YTHDF1: variants seen among roughly 807,000 people sequenced by gnomAD.
YTHDF1 encodes YTH domain-containing family protein 1.
A neutral mutation model predicts 49.1 loss-of-function variants in YTHDF1; 16 were observed. That is an observed-to-expected ratio of 0.33 (90% CI 0.22 to 0.49). The LOEUF (loss-of-function observed/expected upper bound fraction) is 0.49. YTHDF1 is among the 20% of genes least tolerant of loss of function. The pLI is 0.99. For synonymous variants in YTHDF1, 313 were observed against 290.1 expected, an observed-to-expected ratio of 1.08 and a Z score of -0.80; for missense variants, 621 against 744.3, an observed-to-expected ratio of 0.83 and a Z score of 1.93.
chr20:63,215,437 C>T, intron 2 of YTHDF1, 140 bp downstream of exon 2: 1 of 1,127,032 alleles, frequency 8.9e-7, no homozygotes, highest in South Asian at 1.3e-5. Context: ...CTCCCAGAAT[C>T]GTCGCACAAC....
intron 3 of YTHDF1, among the ~76,000 whole-genome samples, chr20:63,205,255 T>C (rs2122981449): frequency 6.6e-6 from 1 of 152,156 alleles, no homozygotes; most frequent in East Asian, 1.9e-4. Context: ...GGAAAGTAGC[T>C]GAGGCAATGA....
intron 4 of YTHDF1, among the ~76,000 whole-genome samples, chr20:63,197,314 G>A (rs988224389): frequency 2.0e-5 from 3 of 152,054 alleles, no homozygotes; most frequent in East Asian, 1.9e-4. Flanking sequence ...TCACTCCCAC[G>A]CCAAGGGGAA....
At chr20:63,212,494 A>C (rs1400701959) in intron 3 of YTHDF1, among the ~76,000 whole-genome samples, 1 of 152,246 alleles carries the variant, frequency 6.6e-6, no homozygotes, top group Non-Finnish European at 1.5e-5. Flanking sequence ...TGTGAATCAC[A>C]GCACACGAAA....
rs79046601 is a variant in YTHDF1, at chr20:63,203,184, G to A, written c.756C>T (p.Ser252=). 4,985 of 1,613,854 alleles carry A rather than the reference G, an allele frequency of 3.1e-3. 142 individuals are homozygous for A. The African/African-American group carries it at 0.058, about 19-fold the overall frequency. ...AKPQPKMKTK[S]GPVMGGGLPP... ...GCAGCCCACCCCCCATGACAGGCCC[G>A]CTCTTTGTTTTCATTTTAGGCTGTG... The change falls in exon 4 of 5, where the codon AGC becomes AGT. Residue 252 remains serine, a synonymous_variant. Coordinates refer to ENST00000370339, the MANE Select transcript of YTHDF1 (RefSeq NM_017798.4). This position sits in a 1 kb window ranked among gnomAD's most constrained non-coding sequence, Gnocchi z 4.4.
At chr20:63,207,976 G>A (rs912117480) in intron 3 of YTHDF1, among the ~76,000 whole-genome samples, 10 of 150,950 alleles carry the variant, frequency 6.6e-5, no homozygotes, top group Non-Finnish European at 1.0e-4. Flanking sequence ...GGGTGACAGA[G>A]TGAGACTCCG....
At chr20:63,215,187 C>A (rs4809506) in intron 2 of YTHDF1, among the ~76,000 whole-genome samples, 152,124 of 152,276 alleles carry the variant, frequency 1, 75,987 homozygotes, top group Middle Eastern at 1. Context: ...AAACGGGCTG[C>A]AACTACCGGG....
rs145123985 is a variant in YTHDF1, at chr20:63,213,645, C to T, written c.132+219G>A. Among the ~76,000 whole-genome samples, 397 of 152,314 alleles carry T rather than the reference C, an allele frequency of 2.6e-3. 4 individuals carry two copies. Among genetic ancestry groups the T allele is most frequent in the Admixed American group, 5.0e-3 (76 of 15,302 alleles). On this transcript the variant is annotated intron_variant, in intron 3 of 4. Coordinates refer to ENST00000370339, the MANE Select transcript of YTHDF1 (RefSeq NM_017798.4). ...AACTAGACCTGTTTGCATCCCAGCC[C>T]CAGTGGGATGCCGCCTCCTCCACAG...
intron 4 of YTHDF1, 99 bp downstream of exon 4, chr20:63,202,188 C>T (rs1051960841): frequency 2.7e-6 from 4 of 1,469,480 alleles, no homozygotes; most frequent in African/African-American, 1.4e-5. Flanking sequence ...AGACTCAGCT[C>T]GGCGGACCTG....
intron 3 of YTHDF1, among the ~76,000 whole-genome samples, chr20:63,210,861 T>TC (rs1380781933): frequency 6.6e-6 from 1 of 151,826 alleles, no homozygotes; most frequent in South Asian, 2.1e-4. Flanking sequence ...GTTCCTCTGC[T>TC]CCCCCAACTC....
chr20:63,213,995 TA>T, intron 2 of YTHDF1, 52 bp from the exon 3 acceptor site: 1 of 1,555,452 alleles, frequency 6.4e-7, no homozygotes, highest in Non-Finnish European at 8.6e-7. Context: ...AGATTACTTT[TA>T]AGCTTGGAAG....
At chr20:63,204,654 A>C (rs1205664209) in intron 3 of YTHDF1, among the ~76,000 whole-genome samples, 2 of 152,178 alleles carry the variant, frequency 1.3e-5, no homozygotes, top group Admixed American at 6.5e-5. Context: ...ATGTCTGTGT[A>C]GTGACTGGAA....
chr20:63,207,493 A>C (rs969640849), intron 3 of YTHDF1, among the ~76,000 whole-genome samples: 2 of 150,538 alleles, frequency 1.3e-5, no homozygotes, highest in African/African-American at 4.9e-5. Context: ...AAAAAAAAGA[A>C]CAAATTCAAA....
intron 4 of YTHDF1, among the ~76,000 whole-genome samples, chr20:63,197,891 G>C (rs996017427): frequency 5.9e-5 from 9 of 152,084 alleles, no homozygotes; most frequent in African/African-American, 2.2e-4. Context: ...TGGACTGAAT[G>C]TGTCTTCCGG....
At chr20:63,201,424 C>T (rs1457677080) in intron 4 of YTHDF1, among the ~76,000 whole-genome samples, 1 of 152,116 alleles carries the variant, frequency 6.6e-6, no homozygotes, top group Non-Finnish European at 1.5e-5. Flanking sequence ...TGAACTCTCT[C>T]GAATAAAGGA....
chr20:63,203,427 G>A lies in YTHDF1; in HGVS notation c.513C>T (p.Ser171=), dbSNP rs147844381. Residue 171 remains serine (S), a synonymous_variant, in exon 4 of 5, where the codon AGC becomes AGT. Coordinates refer to ENST00000370339, the MANE Select transcript of YTHDF1 (RefSeq NM_017798.4). This position sits in a 1 kb window ranked among gnomAD's most constrained non-coding sequence, Gnocchi z 4.4. ...TVVDGQPGFH[S]DTLSKAPGMN... ...TCCCGGGGGCCTTGCTGAGGGTGTC[G>A]CTGTGAAAGCCTGGCTGCCCATCAA... The A allele has an allele frequency of 1.1e-3, 1,829 of 1,612,638 alleles. 3 individuals are homozygous for A. Among genetic ancestry groups the A allele is most frequent in the Admixed American group, 2.1e-3 (124 of 59,984 alleles).
chr20:63,214,659 G>A (rs79744837), intron 2 of YTHDF1, among the ~76,000 whole-genome samples: 1,542 of 152,220 alleles, frequency 0.01, 22 homozygotes, highest in African/African-American at 0.035. Context: ...GAGACAAACG[G>A]CTGCATTCTT....
rs938123660 is a variant in YTHDF1 at position 63,201,637 on chromosome 20, A to G, written c.1653+650T>C. On this transcript the variant is annotated intron_variant, in intron 4 of 4. Coordinates refer to ENST00000370339, the MANE Select transcript of YTHDF1 (RefSeq NM_017798.4). ...TCAATGAATTTTTGATATAGGATCC[A>G]TATTTGTCATTATAAAATGTCTGGA... is the stretch of plus-strand genomic sequence containing the variant. Among the ~76,000 whole-genome samples, 35 of 152,358 alleles carry G rather than the reference A, an allele frequency of 2.3e-4. No individual in the cohort carries two copies. The East Asian group carries it at 5.6e-3, about 24-fold the overall frequency.
chr20:63,205,531 C>T (rs1032892721), intron 3 of YTHDF1, among the ~76,000 whole-genome samples: 1 of 149,358 alleles, frequency 6.7e-6, no homozygotes, highest in Non-Finnish European at 1.5e-5. Flanking sequence ...TTTTTTGGGA[C>T]GAAGTCTCAC....
In YTHDF1 at chr20:63,202,358, G is replaced by T. The variant is rs755080199; in HGVS notation, c.1582C>A (p.His528Asn). The T allele has an allele frequency of 4.3e-6, 7 of 1,614,154 alleles. No homozygotes were observed. In the East Asian group the frequency reaches 1.6e-4, roughly 36 times the overall value. ...QVLKIISSYK[H>N]TTSIFDDFAH... ...AAGTCGTCGAAGATGGAGGTTGTGT[G>T]CTTGTAGGAACTGATAATTTTCAGC... The change falls in exon 4 of 5, where the codon CAC becomes AAC. Residue 528 changes from histidine to asparagine, a missense_variant. By Grantham distance (68) the His-to-Asn change is moderately conservative (BLOSUM62 1). Coordinates refer to ENST00000370339, the MANE Select transcript of YTHDF1 (RefSeq NM_017798.4).
Sources: allele counts gnomAD v4.1 joint callset (sites outside exome capture counted in the v4.1 genomes callset), GRCh38; gene constraint gnomAD v4.1.1; non-coding constraint Gnocchi (gnomAD v3.1); transcripts MANE v1.5; gene names NCBI Gene and HGNC (gene_info 2026-07-23, HGNC 2026-07-21).